The following SBF2 variants were observed in gnomAD, a reference collection of about 807,000 sequenced individuals.
SBF2 encodes SET binding factor 2.
SBF2 carries 112 observed loss-of-function variants against 225.2 expected under a neutral mutation model. The observed-to-expected ratio is 0.50, with a 90% CI of 0.43 to 0.58. SBF2 has a LOEUF of 0.58. SBF2 is among the 20% of genes least tolerant of loss of function. The pLI is 0.00. For missense variants in SBF2, 1,996 were observed against 2,206.2 expected (o/e 0.90, Z 1.91); for synonymous variants, 763 against 773.3 (o/e 0.99, Z 0.22).
intron 32 of SBF2, among the ~76,000 whole-genome samples, chr11:9,801,114 T>G (rs1326818147): frequency 6.6e-6 from 1 of 152,348 alleles, no homozygotes; most frequent in South Asian, 2.1e-4. Flanking sequence ...AATAAATTAA[T>G]TCTATGTCAG....
chr11:10,162,784 A>G (rs1955808641), intron 2 of SBF2, among the ~76,000 whole-genome samples: 2 of 152,224 alleles, frequency 1.3e-5, no homozygotes, highest in Admixed American at 1.3e-4. Context: ...GAAGGAAATC[A>G]AAGAGAAGAA....
chr11:10,000,946 G>T lies in SBF2; in HGVS notation c.829C>A (p.His277Asn). 1 of 1,601,608 alleles carries T rather than the reference G, an allele frequency of 6.2e-7. No individual in the cohort carries two copies. Among genetic ancestry groups the T allele is most frequent in the Non-Finnish European group, 8.6e-7 (1 of 1,168,756 alleles). Residue 277 changes from histidine (H) to asparagine (N), a missense_variant, in exon 8 of 40, where the codon CAT becomes AAT. Coordinates refer to ENST00000256190, the MANE Select transcript of SBF2 (RefSeq NM_030962.4). ...SSPTPFIIGV[H>N]SVFKTDVHEL... ...TGGACATCAGTTTTAAAGACAGAAT[G>T]TACTCCAATAATGAAAGGCGTTGGG...
intron 2 of SBF2, among the ~76,000 whole-genome samples, chr11:10,150,218 G>A: frequency 6.6e-6 from 1 of 152,244 alleles, no homozygotes; most frequent in Middle Eastern, 3.4e-3. Flanking sequence ...AATAAATGAA[G>A]TCCATAGGTT....
intron 27 of SBF2, among the ~76,000 whole-genome samples, chr11:9,831,639 C>T (rs1015488349): frequency 2.0e-5 from 3 of 152,190 alleles, no homozygotes; most frequent in Non-Finnish European, 4.4e-5. Context: ...CAAAATACAG[C>T]TCCTGACTTC....
chr11:10,090,153 T>G (rs1019040480), intron 2 of SBF2, among the ~76,000 whole-genome samples: 1 of 151,994 alleles, frequency 6.6e-6, no homozygotes, highest in Non-Finnish European at 1.5e-5. Context: ...AGACAGAAAA[T>G]AGAATGGTGA....
At chr11:10,097,103 G>A (rs907981439) in intron 2 of SBF2, among the ~76,000 whole-genome samples, 4 of 152,168 alleles carry the variant, frequency 2.6e-5, no homozygotes. Context: ...TAAGTCATGA[G>A]AATACAACCC....
At chr11:10,035,663 A>G (rs1378959980) in intron 3 of SBF2, among the ~76,000 whole-genome samples, 1 of 152,230 alleles carries the variant, frequency 6.6e-6, no homozygotes, top group Non-Finnish European at 1.5e-5. Context: ...CATGAAAAAA[A>G]TGCTCATCAT....
intron 1 of SBF2, among the ~76,000 whole-genome samples, chr11:10,226,315 CA>C (rs141178538): frequency 2.6e-3 from 395 of 152,092 alleles, no homozygotes; most frequent in African/African-American, 8.5e-3. Flanking sequence ...ATGTGGTACA[CA>C]TGTATTTTTT....
At chr11:9,936,724 T>C (rs1031761759) in intron 16 of SBF2, among the ~76,000 whole-genome samples, 9 of 152,168 alleles carry the variant, frequency 5.9e-5, no homozygotes, top group African/African-American at 1.9e-4. Flanking sequence ...ACACTGCATG[T>C]TCTCACTCAT....
chr11:10,196,866 A>ATTTTTTTTTT lies in SBF2; in HGVS notation c.56-2889_56-2880dup, dbSNP rs1555073581. Among the ~76,000 whole-genome samples the ATTTTTTTTTT allele has an allele frequency of 8.5e-4, 84 of 99,154 alleles. 1 individual carries two copies. Among genetic ancestry groups the ATTTTTTTTTT allele is most frequent in the Non-Finnish European group, 1.2e-3 (59 of 50,586 alleles). The allele number at this position is 99,154 out of a possible 152,430, so 65.0% of individuals were successfully genotyped here. ...TATATATATATATATATATATATAT[A>ATTTTTTTTTT]TTTTTTTTTTCCTACAAAATGAATA... is the stretch of plus-strand genomic sequence containing the variant. On this transcript the variant is annotated intron_variant, in intron 1 of 39. Coordinates refer to ENST00000256190, the MANE Select transcript of SBF2 (RefSeq NM_030962.4).
chr11:9,922,037 G>A (rs1293291837), intron 16 of SBF2, among the ~76,000 whole-genome samples: 1 of 152,080 alleles, frequency 6.6e-6, no homozygotes, highest in African/African-American at 2.4e-5. Context: ...CTTGAGCCCA[G>A]GCGTTTTAAG....
intron 13 of SBF2, among the ~76,000 whole-genome samples, chr11:9,978,622 T>C (rs1946805020): frequency 6.6e-6 from 1 of 152,074 alleles, no homozygotes; most frequent in South Asian, 2.1e-4. Flanking sequence ...TCCATGTTTT[T>C]GTTTGTTTGA....
rs370977692 is a variant in SBF2 at position 10,061,721 on chromosome 11, T to G, written c.142-18740A>C. Among the ~76,000 whole-genome samples, 3 of 152,324 alleles carry G rather than the reference T, an allele frequency of 2.0e-5. 1 individual carries two copies. Among genetic ancestry groups the G allele is most frequent in the African/African-American group, 7.2e-5 (3 of 41,566 alleles). On this transcript the variant is annotated intron_variant, in intron 2 of 39. Coordinates refer to ENST00000256190, the MANE Select transcript of SBF2 (RefSeq NM_030962.4). ...CACAAACAAATGGAAAAACATCCCA[T>G]GCTCATGTATAGGAAGAATCAATAT...
chr11:9,841,172 T>C (rs1476655211), intron 25 of SBF2, among the ~76,000 whole-genome samples: 1 of 152,200 alleles, frequency 6.6e-6, no homozygotes, highest in Non-Finnish European at 1.5e-5. Context: ...CTTCAATTCA[T>C]GTTTCCATTT....
At chr11:10,058,205 G>C (rs1253512989) in intron 2 of SBF2, among the ~76,000 whole-genome samples, 1 of 152,186 alleles carries the variant, frequency 6.6e-6, no homozygotes, top group Non-Finnish European at 1.5e-5. Flanking sequence ...AATATGGATA[G>C]GAACAAAGAT....
intron 2 of SBF2, among the ~76,000 whole-genome samples, chr11:10,045,243 C>T (rs574745050): frequency 4.0e-5 from 6 of 151,520 alleles, no homozygotes; most frequent in Non-Finnish European, 8.8e-5. Context: ...TCTTGGCTCA[C>T]TGCAACCTCC....
intron 16 of SBF2, among the ~76,000 whole-genome samples, chr11:9,924,498 C>G (rs1230115437): frequency 1.3e-5 from 2 of 152,002 alleles, no homozygotes; most frequent in Non-Finnish European, 2.9e-5. Context: ...ATGGCGTGAT[C>G]TCCGCTCACG....
chr11:10,054,704 A>G (rs1158588704), intron 2 of SBF2, among the ~76,000 whole-genome samples: 2 of 152,208 alleles, frequency 1.3e-5, no homozygotes, highest in African/African-American at 2.4e-5. Flanking sequence ...AACTTAAATC[A>G]GCAAGAAGAA....
chr11:9,825,703 A>G (rs1855023165), intron 28 of SBF2, among the ~76,000 whole-genome samples: 1 of 152,236 alleles, frequency 6.6e-6, no homozygotes, highest in South Asian at 2.1e-4. Flanking sequence ...CTAGGAATGG[A>G]GTATCAATGG....
Sources: allele counts gnomAD v4.1 joint callset (sites outside exome capture counted in the v4.1 genomes callset), GRCh38; gene constraint gnomAD v4.1.1; transcripts MANE v1.5; gene names NCBI Gene and HGNC (gene_info 2026-07-23, HGNC 2026-07-21).